KCNQ1: variants seen among roughly 807,000 people sequenced by gnomAD.
The protein encoded by KCNQ1 is potassium voltage-gated channel subfamily Q member 1, also known as potassium voltage-gated channel subfamily KQT member 1.
Under a neutral mutation model 72.4 loss-of-function variants are expected in KCNQ1, and 49 were observed. The observed-to-expected ratio is 0.68, with a 90% confidence interval of 0.54 to 0.86. The LOEUF (loss-of-function observed/expected upper bound fraction) is 0.86, where lower values mean the gene tolerates loss of function less well. Ranked by LOEUF, KCNQ1 falls within the 40% of genes least tolerant of loss-of-function variation. The pLI, the probability that KCNQ1 is intolerant of heterozygous loss-of-function variation, is 0.00. For synonymous variants in KCNQ1, 450 were observed against 412.6 expected, an observed-to-expected ratio of 1.09 and a Z score of -1.10; for missense variants, 790 against 945.1, an observed-to-expected ratio of 0.84 and a Z score of 2.15.
At chr11:2,519,105 G>C (rs1321512962) in intron 1 of KCNQ1, among the ~76,000 whole-genome samples, 1 of 152,236 alleles carries the variant, frequency 6.6e-6, no homozygotes, top group East Asian at 1.9e-4. Context: ...GGCAATGGTT[G>C]GGGGGCAGCT....
chr11:2,497,148 G>A lies in KCNQ1; in HGVS notation c.387-30780G>A, dbSNP rs1846936343. Reference sequence around the variant, plus strand: ...GAATCTGACAATTATATGTCTTGGGGTTGCTCTTCTTGAGGAGTATCTTAG... The same window carrying A: ...GAATCTGACAATTATATGTCTTGGGATTGCTCTTCTTGAGGAGTATCTTAG... On this transcript the variant is annotated intron_variant, in intron 1 of 15. Coordinates refer to ENST00000155840, the MANE Select transcript of KCNQ1 (RefSeq NM_000218.3). This position sits in a 1 kb window ranked among gnomAD's most constrained non-coding sequence, Gnocchi z 4.5. 6.6e-6 allele frequency among the ~76,000 whole-genome samples: 1 copy of A among 152,076 alleles called. No individual in the cohort carries two copies. The highest frequency in any genetic ancestry group is 2.1e-4 in the South Asian group (1 of 4,820).
In KCNQ1 at chr11:2,653,357, C is replaced by T. The variant is rs956445664; in HGVS notation, c.1394-8604C>T. The T allele has an allele frequency of 1.5e-5, 6 of 398,624 alleles. No individual in the cohort carries two copies. Among genetic ancestry groups the T allele is most frequent in the East Asian group, 3.6e-5 (1 of 28,096 alleles). The allele number at this position is 398,624 out of a possible 1,614,324, so 24.7% of individuals were successfully genotyped here. A position where few individuals can be genotyped will look rare whatever the true frequency, so the allele number is the denominator to read the frequency against. On this transcript the variant is annotated intron_variant, in intron 10 of 15. Transcript: ENST00000155840. This position sits in a 1 kb window ranked among gnomAD's most constrained non-coding sequence, Gnocchi z 5.3. ...CATGTCCGTAGGCTCACACCTCACC[C>T]CCAACTTTGTCATGCACATTCCTGA...
intron 11 of KCNQ1, among the ~76,000 whole-genome samples, chr11:2,753,225 T>A (rs1477213025): frequency 6.6e-6 from 1 of 151,134 alleles, no homozygotes; most frequent in East Asian, 1.9e-4. Context: ...GGCGGGGGAG[T>A]CACGAGATCT....
rs566982172 is a variant in KCNQ1, at chr11:2,576,492, G to A, written c.921+3506G>A. 1.2e-3 allele frequency among the ~76,000 whole-genome samples: 183 copies of A among 152,360 alleles called. 1 individual carries two copies. The highest frequency in any genetic ancestry group is 4.2e-3 in the African/African-American group (175 of 41,578). On this transcript the variant is annotated intron_variant, in intron 6 of 15. Coordinates refer to ENST00000155840, the MANE Select transcript of KCNQ1 (RefSeq NM_000218.3). ...ACACGGGCTTCTCTGTTCAGCGCCC[G>A]GGGGTCTCTACAAACAGGAGGCTGC...
At position 2,595,911 on chromosome 11, in the gene KCNQ1, G is replaced by A. The variant is rs771435047; in HGVS notation, c.1393+7057G>A. ...ATTCTAGATGAAATTAAGAACATTA[G>A]TGATTCATGGAAGAACGTCAAAATA... On this transcript the variant is annotated intron_variant, in intron 10 of 15. Coordinates refer to ENST00000155840, the MANE Select transcript of KCNQ1 (RefSeq NM_000218.3). The surrounding 1 kb of genome is among the most constrained non-coding windows in gnomAD (Gnocchi z 5.0). 3.3e-5 allele frequency among the ~76,000 whole-genome samples: 5 copies of A among 152,248 alleles called. No homozygotes were observed. Among genetic ancestry groups the A allele is most frequent in the Non-Finnish European group, 7.4e-5 (5 of 68,026 alleles).
chr11:2,549,350 G>A lies in KCNQ1; in HGVS notation c.478-21278G>A, dbSNP rs895978069. Among the ~76,000 whole-genome samples the A allele has an allele frequency of 1.3e-5, 2 of 152,162 alleles. 1 individual carries two copies. Among genetic ancestry groups the A allele is most frequent in the South Asian group, 4.1e-4 (2 of 4,824 alleles). On this transcript the variant is annotated intron_variant, in intron 2 of 15. Coordinates refer to ENST00000155840, the MANE Select transcript of KCNQ1 (RefSeq NM_000218.3). The surrounding 1 kb of genome is among the most constrained non-coding windows in gnomAD (Gnocchi z 6.2). ...AAACCTGGGTCCAGGCACCTGGGGC[G>A]ACCCTCCTTGGCCGTCCTTGCCATC...
At chr11:2,716,278 C>T (rs1327575475) in intron 11 of KCNQ1, among the ~76,000 whole-genome samples, 1 of 152,176 alleles carries the variant, frequency 6.6e-6, no homozygotes, top group Non-Finnish European at 1.5e-5. Context: ...AAGCTCCAAG[C>T]TGAAGCGCCC....
In KCNQ1 at chr11:2,652,694, T is replaced by C; in HGVS notation, c.1394-9267T>C. The stretch of plus-strand genomic sequence containing the variant: ...GATTTTAGTTGTGTGGGTGGCTGTG[T>C]TGCTCTCTTTCCGTTTCCTGGGCTC... On this transcript the variant is annotated intron_variant, in intron 10 of 15. Coordinates refer to ENST00000155840, the MANE Select transcript of KCNQ1 (RefSeq NM_000218.3). The surrounding 1 kb of genome is among the most constrained non-coding windows in gnomAD (Gnocchi z 5.9). The C allele has an allele frequency of 2.5e-6, 1 of 398,862 alleles. No individual in the cohort carries two copies. The highest frequency in any genetic ancestry group is 4.4e-6 in the Non-Finnish European group (1 of 226,276). 24.7% of individuals were successfully genotyped at this position (398,862 alleles called of 1,614,324 possible). A position where few individuals can be genotyped will look rare whatever the true frequency, so the allele number is the denominator to read the frequency against.
intron 11 of KCNQ1, chr11:2,680,654 C>T (rs1170993532): frequency 7.5e-6 from 3 of 398,442 alleles, no homozygotes; most frequent in South Asian, 1.3e-4. Flanking sequence ...CATTGATAGT[C>T]TCACTACAGG....
intron 10 of KCNQ1, chr11:2,633,928 G>C: frequency 2.5e-6 from 1 of 398,556 alleles, no homozygotes; most frequent in Non-Finnish European, 4.4e-6. Context: ...ATCCTTGTTA[G>C]ATTATGGGGA....
chr11:2,582,081 G>A (rs1298732678), intron 6 of KCNQ1, among the ~76,000 whole-genome samples: 1 of 152,258 alleles, frequency 6.6e-6, no homozygotes, highest in Non-Finnish European at 1.5e-5. Flanking sequence ...CCTGGCGGCG[G>A]TGGCTGGCGT....
At position 2,516,385 on chromosome 11, in the gene KCNQ1, TGGG is replaced by T. The variant is rs1316629857; in HGVS notation, c.387-11540_387-11538del. Among the ~76,000 whole-genome samples the T allele has an allele frequency of 6.6e-6, 1 of 151,968 alleles. No homozygotes were observed. The highest frequency in any genetic ancestry group is 2.4e-5 in the African/African-American group (1 of 41,374). On this transcript the variant is annotated intron_variant, in intron 1 of 15. Transcript: ENST00000155840. The surrounding 1 kb of genome is among the most constrained non-coding windows in gnomAD (Gnocchi z 7.0). ...GGGACCGCTGACCCACCGGGATTCTTGGGGGCCACCATAGAGCCTGTTTTTAAA... is the reference window on the plus strand; with the variant it reads ...GGGACCGCTGACCCACCGGGATTCTTGGCCACCATAGAGCCTGTTTTTAAA...
At chr11:2,597,110 A>G (rs1280594073) in intron 10 of KCNQ1, among the ~76,000 whole-genome samples, 1 of 152,192 alleles carries the variant, frequency 6.6e-6, no homozygotes, top group African/African-American at 2.4e-5. Flanking sequence ...GACTTCAATT[A>G]TGACAAGAGA....
rs1314597873 is a variant in KCNQ1 at position 2,458,116 on chromosome 11, T to C, written c.386+12632T>C. ...ATCACAGCAGAAGGCAGGGAAGTTA[T>C]CAGAGGCCCCCTAGGGCCATGTCAC... On this transcript the variant is annotated intron_variant, in intron 1 of 15. Coordinates refer to ENST00000155840, the MANE Select transcript of KCNQ1 (RefSeq NM_000218.3). This position sits in a 1 kb window ranked among gnomAD's most constrained non-coding sequence, Gnocchi z 4.6. 1.9e-4 allele frequency among the ~76,000 whole-genome samples: 29 copies of C among 152,072 alleles called. No individual in the cohort carries two copies. Among genetic ancestry groups the C allele is most frequent in the Non-Finnish European group, 1.5e-5 (1 of 68,014 alleles).
chr11:2,810,677 C>T (rs1274551843), intron 15 of KCNQ1, among the ~76,000 whole-genome samples: 1 of 152,222 alleles, frequency 6.6e-6, no homozygotes, highest in African/African-American at 2.4e-5. Context: ...TATGTTTGGC[C>T]AGCCAGGCCC....
chr11:2,763,067 TAAAC>T (rs1052669305), intron 11 of KCNQ1, among the ~76,000 whole-genome samples: 7 of 152,288 alleles, frequency 4.6e-5, no homozygotes, highest in Admixed American at 1.3e-4. Flanking sequence ...TTCCAATAAA[TAAAC>T]AAACAAACAA....
intron 6 of KCNQ1, among the ~76,000 whole-genome samples, chr11:2,580,970 G>T (rs1848490669): frequency 6.6e-6 from 1 of 152,354 alleles, no homozygotes. Context: ...CTGCCTCAGG[G>T]CATTGGCAGG....
rs1383035176 is a variant in KCNQ1 at position 2,620,211 on chromosome 11, A to ATATATATATATTTT, written c.1393+31358_1393+31359insATATATATATTTTT. 1 of 252,758 alleles carries ATATATATATATTTT rather than the reference A, an allele frequency of 4.0e-6. No homozygotes were observed. Among genetic ancestry groups the ATATATATATATTTT allele is most frequent in the African/African-American group, 2.6e-5 (1 of 37,830 alleles). 15.7% of individuals were successfully genotyped at this position (252,758 alleles called of 1,614,324 possible). On this transcript the variant is annotated intron_variant, in intron 10 of 15. Coordinates refer to ENST00000155840, the MANE Select transcript of KCNQ1 (RefSeq NM_000218.3). The surrounding 1 kb of genome is among the most constrained non-coding windows in gnomAD (Gnocchi z 4.5). ...TAAGTTCATTCATGTATATATATAT[A>ATATATATATATTTT]TTTTTTTTTTTTATTTTTTTTTTAG... is the stretch of plus-strand genomic sequence containing the variant.
rs1056028312 is a variant in KCNQ1 at position 2,463,783 on chromosome 11, C to T, written c.386+18299C>T. On this transcript the variant is annotated intron_variant, in intron 1 of 15. Coordinates refer to ENST00000155840, the MANE Select transcript of KCNQ1 (RefSeq NM_000218.3). This position sits in a 1 kb window ranked among gnomAD's most constrained non-coding sequence, Gnocchi z 7.0. ...CTGCTCCTCACAAGACATTGCCCTG[C>T]GAGGGGGTCAGCCCTGAAGCCGGAT... Among the ~76,000 whole-genome samples, 8 of 152,336 alleles carry T rather than the reference C, an allele frequency of 5.3e-5. No individual in the cohort carries two copies. The highest frequency in any genetic ancestry group is 1.9e-4 in the African/African-American group (8 of 41,570).
Sources: gnomAD v4.1 joint callset for allele counts (sites outside exome capture counted in the v4.1 genomes callset) on GRCh38, gnomAD v4.1.1 for gene constraint, Gnocchi (gnomAD v3.1) non-coding constraint, MANE v1.5 for transcripts, NCBI Gene and HGNC (gene_info 2026-07-23, HGNC 2026-07-21) for gene names.